The following PRTG variants were observed in gnomAD, a reference collection of about 807,000 sequenced individuals.
The protein encoded by PRTG is protogenin.
PRTG carries 67 observed loss-of-function variants against 122.5 expected under a neutral mutation model. The observed-to-expected ratio is 0.55, with a 90% CI of 0.45 to 0.67. PRTG has a LOEUF of 0.67. Ranked by LOEUF, PRTG falls within the 30% of genes least tolerant of loss-of-function variation. The pLI, the probability that PRTG is intolerant of heterozygous loss-of-function variation, is 0.00. For synonymous variants in PRTG, 554 were observed against 501.1 expected (o/e 1.11, Z -1.41); for missense variants, 1,435 against 1,415.4 (o/e 1.01, Z -0.22).
intron 11 of PRTG, among the ~76,000 whole-genome samples, chr15:55,671,330 G>T (rs929699953): frequency 6.6e-6 from 1 of 152,186 alleles, no homozygotes; most frequent in Non-Finnish European, 1.5e-5. Flanking sequence ...AATATGTCCA[G>T]AAGGTGTAAC....
chr15:55,635,423 A>G (rs77978423), intron 15 of PRTG, among the ~76,000 whole-genome samples: 2,539 of 152,260 alleles, frequency 0.017, 37 homozygotes, highest in Non-Finnish European at 0.026. Context: ...CTCAGAGCCT[A>G]TCAAAACTGT....
chr15:55,725,103 A>C (rs2030976631), intron 2 of PRTG, among the ~76,000 whole-genome samples: 1 of 152,224 alleles, frequency 6.6e-6, no homozygotes, highest in Non-Finnish European at 1.5e-5. Flanking sequence ...AAAAGCCTAT[A>C]CATCTATATC....
chr15:55,626,866 GA>G (rs1175299955), intron 17 of PRTG, 141 bp downstream of exon 17: 1 of 544,150 alleles, frequency 1.8e-6, no homozygotes, highest in African/African-American at 2.0e-5. Flanking sequence ...ATAGCTGTAA[GA>G]ACTCAGGGAA....
chr15:55,697,431 C>G (rs1325254641), intron 2 of PRTG, among the ~76,000 whole-genome samples: 11 of 152,178 alleles, frequency 7.2e-5, no homozygotes, highest in Non-Finnish European at 2.9e-5. Flanking sequence ...AAAACTTTGC[C>G]TCTTATCTCC....
intron 2 of PRTG, among the ~76,000 whole-genome samples, chr15:55,710,358 T>A (rs1395111046): frequency 6.6e-6 from 1 of 152,234 alleles, no homozygotes; most frequent in Non-Finnish European, 1.5e-5. Flanking sequence ...TTTTTCATTA[T>A]ACACATACAA....
chr15:55,644,243 G>C (rs1030160152), intron 11 of PRTG, among the ~76,000 whole-genome samples: 3 of 152,194 alleles, frequency 2.0e-5, no homozygotes, highest in Non-Finnish European at 4.4e-5. Flanking sequence ...TACAGAAAAG[G>C]AAGGATAGGA....
chr15:55,615,222 A>G lies in PRTG; in HGVS notation c.*4790T>C, dbSNP rs1290612517. On this transcript the variant is annotated 3_prime_UTR_variant, in exon 20 of 20. Coordinates refer to ENST00000389286, the MANE Select transcript of PRTG (RefSeq NM_173814.6). Reference sequence around the variant, plus strand: ...AGCCTCAAAAAGAAACAGCCCTGCAAGCGCCTTGATTTTGTCCCAGGGAGA... The same window carrying G: ...AGCCTCAAAAAGAAACAGCCCTGCAGGCGCCTTGATTTTGTCCCAGGGAGA... The G allele has an allele frequency of 2.0e-5, 3 of 152,112 alleles. No individual in the cohort carries two copies. Among genetic ancestry groups the G allele is most frequent in the Non-Finnish European group, 2.9e-5 (2 of 67,956 alleles). The allele number at this position is 152,112 out of a possible 1,614,324, so 9.4% of individuals were successfully genotyped here. A position where few individuals can be genotyped will look rare whatever the true frequency, so the allele number is the denominator to read the frequency against.
chr15:55,682,346 A>C lies in PRTG; in HGVS notation c.676+18T>G. 1.9e-6 allele frequency: 3 copies of C among 1,549,756 alleles called. No homozygotes were observed. Among genetic ancestry groups the C allele is most frequent in the Non-Finnish European group, 2.6e-6 (3 of 1,144,630 alleles). On this transcript the variant is annotated intron_variant, in intron 4 of 19. Transcript: ENST00000389286. The stretch of plus-strand genomic sequence containing the variant: ...CAATAAAACGTCATAAAAATGGAAA[A>C]ACCACTCTGCGTGGTACCTGGAATC...
intron 2 of PRTG, among the ~76,000 whole-genome samples, chr15:55,738,950 G>C (rs978276534): frequency 1.3e-5 from 2 of 151,360 alleles, no homozygotes; most frequent in African/African-American, 4.9e-5. Flanking sequence ...GGGAGGGAGA[G>C]GGAGGGGAGA....
chr15:55,686,616 C>A (rs982381899), intron 2 of PRTG, among the ~76,000 whole-genome samples: 2 of 152,108 alleles, frequency 1.3e-5, no homozygotes, highest in African/African-American at 4.8e-5. Context: ...AGCCTCTTAG[C>A]TGGTATCTCC....
chr15:55,632,133 A>C (rs2059231083), intron 15 of PRTG, among the ~76,000 whole-genome samples: 1 of 152,250 alleles, frequency 6.6e-6, no homozygotes, highest in East Asian at 1.9e-4. Flanking sequence ...CCATAAACTT[A>C]ATCAGCCTCT....
At chr15:55,673,768 T>C (rs773040119) in intron 9 of PRTG, 92 bp from the exon 10 acceptor site, 5 of 964,940 alleles carry the variant, frequency 5.2e-6, no homozygotes, top group Non-Finnish European at 7.9e-6. Flanking sequence ...ATTAGCAACA[T>C]ATAATAAAGA....
intron 15 of PRTG, among the ~76,000 whole-genome samples, chr15:55,630,618 C>G (rs911223645): frequency 1.3e-5 from 2 of 152,146 alleles, no homozygotes; most frequent in Non-Finnish European, 2.9e-5. Flanking sequence ...AAGGTATTTT[C>G]TCTGTTGCAT....
rs192682430 is a variant in PRTG, at chr15:55,638,528, A to G, written c.2452+21T>C. On this transcript the variant is annotated intron_variant, in intron 14 of 19. Coordinates refer to ENST00000389286, the MANE Select transcript of PRTG (RefSeq NM_173814.6). ...TTAATTTTTTTTAAAGATAAAATCT[A>G]TAGGGAGCTGTTTTCTTTACCTTCT... 1.3e-5 allele frequency: 20 copies of G among 1,578,172 alleles called. No homozygotes were observed. The East Asian group carries it at 4.5e-4, about 35-fold the overall frequency.
At chr15:55,645,692 A>T (rs2141746092) in intron 11 of PRTG, among the ~76,000 whole-genome samples, 1 of 152,214 alleles carries the variant, frequency 6.6e-6, no homozygotes, top group Non-Finnish European at 1.5e-5. Context: ...AGACCCTCCA[A>T]CGCCTATGGG....
intron 9 of PRTG, among the ~76,000 whole-genome samples, chr15:55,674,182 A>C (rs2059489386): frequency 6.6e-6 from 1 of 152,234 alleles, no homozygotes; most frequent in African/African-American, 2.4e-5. Flanking sequence ...ATTTTAATAA[A>C]ACTGCATTTC....
At chr15:55,668,686 C>T (rs1016151809) in intron 11 of PRTG, among the ~76,000 whole-genome samples, 10 of 152,210 alleles carry the variant, frequency 6.6e-5, no homozygotes, top group African/African-American at 2.2e-4. Context: ...CCAAAGTAAA[C>T]CAGTTTTAAT....
chr15:55,672,353 A>T, intron 11 of PRTG, 92 bp downstream of exon 11: 3 of 967,836 alleles, frequency 3.1e-6, no homozygotes, highest in Non-Finnish European at 4.8e-6. Context: ...TTGTACCATT[A>T]AGTAAGTTCT....
chr15:55,662,765 T>C lies in PRTG; in HGVS notation c.2041+9680A>G, dbSNP rs187859973. Among the ~76,000 whole-genome samples the C allele has an allele frequency of 1.1e-3, 162 of 152,332 alleles. 1 individual carries two copies. Among genetic ancestry groups the C allele is most frequent in the Middle Eastern group, 3.4e-3 (1 of 294 alleles). On this transcript the variant is annotated intron_variant, in intron 11 of 19. Coordinates refer to ENST00000389286, the MANE Select transcript of PRTG (RefSeq NM_173814.6). Reference sequence around the variant, plus strand: ...GAGATTTGCTGGATATGCCTCTCTTTCCTAAAAGTGACCTAACTTCTTTTG... The same window carrying C: ...GAGATTTGCTGGATATGCCTCTCTTCCCTAAAAGTGACCTAACTTCTTTTG...
Sources: allele counts gnomAD v4.1 joint callset (sites outside exome capture counted in the v4.1 genomes callset), GRCh38; gene constraint gnomAD v4.1.1; transcripts MANE v1.5; gene names NCBI Gene and HGNC (gene_info 2026-07-23, HGNC 2026-07-21).